The following RANBP2 variants were observed in gnomAD, a reference collection of about 807,000 sequenced individuals.
RANBP2 encodes the protein RAN binding protein 2.
Under a neutral mutation model 303.6 loss-of-function variants are expected in RANBP2, and 57 were observed. The ratio of observed to expected loss-of-function variants is 0.19; its 90% CI spans 0.15 to 0.23. RANBP2 has a LOEUF of 0.23. RANBP2 is among the 10% of genes least tolerant of loss of function. The pLI is 1.00. For synonymous variants in RANBP2, 1,167 were observed against 1,301.5 expected (o/e 0.90, Z 2.23); for missense variants, 3,138 against 3,780.8 (o/e 0.83, Z 4.46).
the RANBP2 span, among the ~76,000 whole-genome samples, chr2:109,507,888 G>A: frequency 6.6e-6 from 1 of 152,190 alleles, no homozygotes; most frequent in African/African-American, 2.4e-5. Flanking sequence ...CTAGGGATGT[G>A]GGATATCTTG....
intron 24 of RANBP2, 146 bp downstream of exon 24, chr2:108,776,082 T>C (rs113632889): frequency 2.3e-5 from 15 of 660,958 alleles, no homozygotes; most frequent in Middle Eastern, 8.3e-4. Flanking sequence ...GTAGTAATAA[T>C]AACCAGAAAA....
the RANBP2 span, among the ~76,000 whole-genome samples, chr2:109,369,768 G>A: frequency 6.6e-6 from 1 of 152,164 alleles, no homozygotes; most frequent in Non-Finnish European, 1.5e-5. Flanking sequence ...GCCTCAACTC[G>A]GATGGACACC....
the RANBP2 span, chr2:109,594,645 G>A: frequency 6.6e-6 from 1 of 152,196 alleles, no homozygotes; most frequent in Non-Finnish European, 1.5e-5. Flanking sequence ...TGCAACAAAC[G>A]GCATTGCAAT....
chr2:109,421,629 A>G, the RANBP2 span, among the ~76,000 whole-genome samples: 4 of 152,272 alleles, frequency 2.6e-5, no homozygotes, highest in East Asian at 7.7e-4. Context: ...TGTGACCTCT[A>G]GCTCTCCACC....
At chr2:109,320,418 G>T in the RANBP2 span, among the ~76,000 whole-genome samples, 1,270 of 152,224 alleles carry the variant, frequency 8.3e-3, 15 homozygotes, top group East Asian at 0.044. Context: ...CATCCTTCCT[G>T]CTGGAACCAC....
the RANBP2 span, among the ~76,000 whole-genome samples, chr2:109,573,771 T>G: frequency 6.6e-6 from 1 of 152,206 alleles, no homozygotes; most frequent in African/African-American, 2.4e-5. Flanking sequence ...TAAACAAATA[T>G]AAAAATCTGA....
the RANBP2 span, among the ~76,000 whole-genome samples, chr2:108,825,206 A>G: frequency 6.6e-6 from 1 of 152,158 alleles, no homozygotes; most frequent in Non-Finnish European, 1.5e-5. Context: ...AGAGAGACTT[A>G]GGAGACACAA....
chr2:109,549,852 T>G, the RANBP2 span, among the ~76,000 whole-genome samples: 1 of 152,222 alleles, frequency 6.6e-6, no homozygotes, highest in African/African-American at 2.4e-5. Flanking sequence ...TGTGTGAATG[T>G]GGTCTCTTTC....
At chr2:109,474,432 G>A in the RANBP2 span, among the ~76,000 whole-genome samples, 712 of 152,302 alleles carry the variant, frequency 4.7e-3, no homozygotes, top group Non-Finnish European at 8.5e-3. Flanking sequence ...TTTCCACTGT[G>A]GATGCAGCTC....
the RANBP2 span, chr2:108,923,307 TG>T: frequency 6.6e-7 from 1 of 1,509,876 alleles, no homozygotes; most frequent in South Asian, 1.1e-5. Context: ...CTACACCCTC[TG>T]TAGTGAAAGG....
At chr2:109,575,767 A>G in the RANBP2 span, among the ~76,000 whole-genome samples, 3 of 151,026 alleles carry the variant, frequency 2.0e-5, no homozygotes, top group African/African-American at 7.4e-5. Context: ...TAGCCCTATA[A>G]TGAACCAGTA....
chr2:109,558,119 T>C, the RANBP2 span, among the ~76,000 whole-genome samples: 1 of 152,180 alleles, frequency 6.6e-6, no homozygotes, highest in South Asian at 2.1e-4. Context: ...GCCAACATAC[T>C]ACTGTTGTTG....
the RANBP2 span, among the ~76,000 whole-genome samples, chr2:109,476,597 C>T: frequency 2.0e-5 from 3 of 152,216 alleles, no homozygotes; most frequent in Non-Finnish European, 2.9e-5. Context: ...GCCTCAAACA[C>T]ATGGTTATGA....
rs1418907434 is a variant in RANBP2 at position 108,753,571 on chromosome 2, G to C, written c.2055+8G>C. 3 of 1,607,870 alleles carry C rather than the reference G, an allele frequency of 1.9e-6. No homozygotes were observed. The highest frequency in any genetic ancestry group is 2.5e-6 in the Non-Finnish European group (3 of 1,178,936). On this transcript the variant is annotated splice_region_variant and intron_variant, in intron 14 of 28. Coordinates refer to ENST00000283195, the MANE Select transcript of RANBP2 (RefSeq NM_006267.5). ...TATTGGAATCTTGCACTGGTAAGTAGATGCAGTACTTGAGCTAAAAGTTTT... is the reference window on the plus strand; with the variant it reads ...TATTGGAATCTTGCACTGGTAAGTACATGCAGTACTTGAGCTAAAAGTTTT...
At chr2:109,014,526 C>A in the RANBP2 span, among the ~76,000 whole-genome samples, 1 of 152,212 alleles carries the variant, frequency 6.6e-6, no homozygotes, top group Non-Finnish European at 1.5e-5. Flanking sequence ...TTAAGTACAA[C>A]CAAGGTCTCA....
At chr2:108,824,721 A>G in the RANBP2 span, among the ~76,000 whole-genome samples, 2 of 152,248 alleles carry the variant, frequency 1.3e-5, no homozygotes, top group African/African-American at 4.8e-5. Flanking sequence ...ACTGTACATA[A>G]CAAATGTATG....
the RANBP2 span, among the ~76,000 whole-genome samples, chr2:108,913,176 C>T: frequency 6.6e-6 from 1 of 151,868 alleles, no homozygotes; most frequent in Admixed American, 6.5e-5. Context: ...GGCTCGATCT[C>T]CTGACCTTGT....
the RANBP2 span, among the ~76,000 whole-genome samples, chr2:109,660,563 A>G: frequency 7.8e-4 from 119 of 152,352 alleles, no homozygotes; most frequent in African/African-American, 2.7e-3. Flanking sequence ...AAAGGGAGGA[A>G]AAGCTGAGCC....
the RANBP2 span, chr2:109,436,952 C>T: frequency 6.2e-7 from 1 of 1,613,848 alleles, no homozygotes; most frequent in Non-Finnish European, 8.5e-7. Context: ...TCTCCACTGG[C>T]CAAAGGGATA....
Sources: gnomAD v4.1 joint callset for allele counts (sites outside exome capture counted in the v4.1 genomes callset) on GRCh38, gnomAD v4.1.1 for gene constraint, MANE v1.5 for transcripts, NCBI Gene and HGNC (gene_info 2026-07-23, HGNC 2026-07-21) for gene names.